The following HPSE2 variants were observed in gnomAD, a reference collection of about 807,000 sequenced individuals.
HPSE2 encodes heparanase 2 (inactive).
A neutral mutation model predicts 60.5 loss-of-function variants in HPSE2; 38 were observed. The ratio of observed to expected loss-of-function variants is 0.63; its 90% CI spans 0.48 to 0.82. HPSE2 has a LOEUF of 0.82. Ranked by LOEUF, HPSE2 falls within the 40% of genes least tolerant of loss-of-function variation. The pLI is 0.00. For missense variants in HPSE2, 713 were observed against 740.4 expected (o/e 0.96, Z 0.43); for synonymous variants, 295 against 293.2 (o/e 1.01, Z -0.06).
intron 6 of HPSE2, among the ~76,000 whole-genome samples, chr10:98,686,212 T>G (rs1368209836): frequency 6.6e-6 from 1 of 152,218 alleles, no homozygotes; most frequent in Non-Finnish European, 1.5e-5. Context: ...TTTGTTCTTT[T>G]AATAGCTTCT....
chr10:99,009,215 GCAACATAACAAGGCC>G (rs1332079097), intron 3 of HPSE2, among the ~76,000 whole-genome samples: 14 of 127,334 alleles, frequency 1.1e-4, no homozygotes, highest in African/African-American at 3.6e-4. Flanking sequence ...ACCAGCCTGG[GCAACATAACAAGGCC>G]CAGTGTCTAC....
intron 9 of HPSE2, among the ~76,000 whole-genome samples, chr10:98,595,502 T>C (rs1307405337): frequency 1.3e-5 from 2 of 152,196 alleles, no homozygotes; most frequent in African/African-American, 4.8e-5. Flanking sequence ...CTTTTTCAGA[T>C]AGTTTCTTGT....
intron 3 of HPSE2, chr10:98,924,588 A>C (rs977133657): frequency 3.3e-5 from 5 of 152,228 alleles, no homozygotes; most frequent in African/African-American, 9.6e-5. Context: ...AAGATGTAAG[A>C]CAAAGTACCC....
chr10:99,243,738 C>A, the HPSE2 span, among the ~76,000 whole-genome samples: 1 of 152,058 alleles, frequency 6.6e-6, no homozygotes, highest in Non-Finnish European at 1.5e-5. Flanking sequence ...GAGTTTGAGA[C>A]CAGCCTGGCC....
In HPSE2 at chr10:98,666,847, A is replaced by G. The variant is rs1160788756; in HGVS notation, c.1005-24907T>C. ...TAAGTAGTTAAAAAATTTCAAATTA[A>G]TAAGCTAACATTGCACCTAGAGAAA... On this transcript the variant is annotated intron_variant, in intron 6 of 11. Coordinates refer to ENST00000370552, the MANE Select transcript of HPSE2 (RefSeq NM_021828.5). Among the ~76,000 whole-genome samples the G allele has an allele frequency of 2.6e-5, 4 of 152,242 alleles. No homozygotes were observed. The South Asian group carries it at 8.3e-4, about 32-fold the overall frequency.
chr10:99,205,674 CA>C (rs1848722433), intron 2 of HPSE2, among the ~76,000 whole-genome samples: 1 of 152,106 alleles, frequency 6.6e-6, no homozygotes, highest in Admixed American at 6.5e-5. Flanking sequence ...ACAAACTGGA[CA>C]CGCCAATTCA....
intron 9 of HPSE2, among the ~76,000 whole-genome samples, chr10:98,587,092 T>C (rs1332743260): frequency 6.6e-6 from 1 of 152,234 alleles, no homozygotes; most frequent in Non-Finnish European, 1.5e-5. Context: ...ATTATTATTA[T>C]CTTTATCATT....
chr10:98,888,325 GGGTCACTATAAAGAAATC>G (rs756546241), intron 3 of HPSE2, among the ~76,000 whole-genome samples: 188 of 152,130 alleles, frequency 1.2e-3, no homozygotes, highest in Non-Finnish European at 1.0e-3. Context: ...ATTAGTCTTA[GGGTCACTATAAAGAAATC>G]ATCTTTACTG....
In HPSE2 at chr10:99,233,519, G is replaced by A. The variant is rs188496447; in HGVS notation, c.291-1014C>T. On this transcript the variant is annotated intron_variant, in intron 1 of 11. Transcript: ENST00000370552. ...GCTGCTTTGGGAAGGAGTAGAAAAG[G>A]AGCAATGCAGATACTGATAATGCAG... 2.6e-5 allele frequency among the ~76,000 whole-genome samples: 4 copies of A among 152,300 alleles called. No individual in the cohort carries two copies. The East Asian group carries it at 7.7e-4, about 29-fold the overall frequency.
At position 98,967,262 on chromosome 10, in the gene HPSE2, C is replaced by T. The variant is rs61883738; in HGVS notation, c.610+176976G>A. 3.6e-3 allele frequency among the ~76,000 whole-genome samples: 541 copies of T among 152,316 alleles called. 2 individuals are homozygous for T. The highest frequency in any genetic ancestry group is 5.9e-3 in the Non-Finnish European group (404 of 68,028). On this transcript the variant is annotated intron_variant, in intron 3 of 11. Coordinates refer to ENST00000370552, the MANE Select transcript of HPSE2 (RefSeq NM_021828.5). Reference sequence around the variant, plus strand: ...TACCATATTAGCCCCACCTCAGCCACGCCCCAAATGTGGTTCTCCATTGGA... The same window carrying T: ...TACCATATTAGCCCCACCTCAGCCATGCCCCAAATGTGGTTCTCCATTGGA...
At chr10:98,600,882 T>C (rs1945388333) in intron 9 of HPSE2, among the ~76,000 whole-genome samples, 1 of 139,058 alleles carries the variant, frequency 7.2e-6, no homozygotes, top group African/African-American at 2.7e-5. Flanking sequence ...TATGTATATA[T>C]ACATATATAC....
At chr10:99,091,701 C>A (rs1230638612) in intron 3 of HPSE2, among the ~76,000 whole-genome samples, 1 of 152,082 alleles carries the variant, frequency 6.6e-6, no homozygotes, top group Non-Finnish European at 1.5e-5. Context: ...TTCTTCTGCC[C>A]AGCTGCTTTT....
At chr10:99,066,773 C>T (rs1250582268) in intron 3 of HPSE2, among the ~76,000 whole-genome samples, 1 of 151,958 alleles carries the variant, frequency 6.6e-6, no homozygotes, top group Non-Finnish European at 1.5e-5. Flanking sequence ...TCTGCCTCTG[C>T]CCCCCACTCC....
At chr10:98,463,097 G>A (rs1021930974) in intron 11 of HPSE2, among the ~76,000 whole-genome samples, 1 of 152,016 alleles carries the variant, frequency 6.6e-6, no homozygotes, top group Non-Finnish European at 1.5e-5. Context: ...ACCTTATAGT[G>A]TTTTTCAAAT....
chr10:99,231,436 C>T (rs1206158503), intron 2 of HPSE2, among the ~76,000 whole-genome samples: 6 of 152,158 alleles, frequency 3.9e-5, no homozygotes, highest in Non-Finnish European at 7.4e-5. Flanking sequence ...GCTCAAGAAA[C>T]GCCAATACCC....
intron 3 of HPSE2, among the ~76,000 whole-genome samples, chr10:98,832,835 T>C (rs1951713524): frequency 6.6e-6 from 1 of 152,204 alleles, no homozygotes; most frequent in South Asian, 2.1e-4. Flanking sequence ...GAATATTATG[T>C]GACTTCTCCA....
intron 3 of HPSE2, among the ~76,000 whole-genome samples, chr10:98,919,465 G>A (rs1013605008): frequency 2.6e-5 from 4 of 152,030 alleles, no homozygotes; most frequent in African/African-American, 7.3e-5. Context: ...AAACTAAACC[G>A]CGACAAGATT....
intron 9 of HPSE2, among the ~76,000 whole-genome samples, chr10:98,519,055 T>C (rs1270565919): frequency 2.0e-5 from 3 of 152,164 alleles, no homozygotes; most frequent in African/African-American, 4.8e-5. Context: ...CAAAAGTGAA[T>C]AGTGCAACTT....
chr10:99,156,490 AG>A (rs1399644159), intron 2 of HPSE2, among the ~76,000 whole-genome samples: 6 of 133,916 alleles, frequency 4.5e-5, no homozygotes, highest in Admixed American at 2.4e-4. Context: ...ACAGAGCCAA[AG>A]ACAAAAACCA....
Sources: allele counts gnomAD v4.1 joint callset (sites outside exome capture counted in the v4.1 genomes callset), GRCh38; gene constraint gnomAD v4.1.1; transcripts MANE v1.5; gene names NCBI Gene and HGNC (gene_info 2026-07-23, HGNC 2026-07-21).